IFI30: variants seen among roughly 807,000 people sequenced by gnomAD.
IFI30 encodes gamma-interferon-inducible lysosomal thiol reductase.
In IFI30, 26 loss-of-function variants were observed where a neutral mutation model predicts 30.1. That is an observed-to-expected ratio of 0.87 (90% confidence interval 0.63 to 1.20). IFI30 has a LOEUF of 1.20. Ranked by LOEUF, IFI30 falls within the 50% of genes most tolerant of loss-of-function variation. The probability of loss-of-function intolerance (pLI) is 0.00; values close to 1 mark genes in which losing one functional copy is unlikely to be tolerated. For missense variants in IFI30, 296 were observed against 312.5 expected, an observed-to-expected ratio of 0.95 and a Z score of 0.40; for synonymous variants, 149 against 134.5, an observed-to-expected ratio of 1.11 and a Z score of -0.75.
chr19:18,176,677 T>C (rs144149160), intron 4 of IFI30, among the ~76,000 whole-genome samples: 216 of 152,268 alleles, frequency 1.4e-3, no homozygotes, highest in African/African-American at 4.8e-3. Flanking sequence ...AAGTGACTCA[T>C]TGGCTCCAAT....
intron 4 of IFI30, 122 bp downstream of exon 4, chr19:18,175,819 C>A (rs1967263608): frequency 1.6e-6 from 1 of 634,414 alleles, no homozygotes. Context: ...CCCAGGAAAA[C>A]AACTACCCTT....
chr19:18,173,921 C>A lies in IFI30; in HGVS notation c.80C>A (p.Ser27Tyr), dbSNP rs1284842043. The A allele has an allele frequency of 1.9e-6, 3 of 1,551,560 alleles. No homozygotes were observed. Among genetic ancestry groups the A allele is most frequent in the Non-Finnish European group, 1.7e-6 (2 of 1,147,358 alleles). ...GTCCCCACGGCGGCGGTGCAGGCGT[C>A]CCCTCTGCAAGCGTTAGACTTCTTT... ...LDVPTAAVQA[S>Y]PLQALDFFGN... Residue 27 changes from serine to tyrosine, a missense_variant, in exon 1 of 7, where the codon TCC becomes TAC. Physicochemically the swap from Ser to Tyr is moderately radical, Grantham distance 144. Transcript: ENST00000407280.
At chr19:18,177,092 G>A (rs1428442383) in intron 4 of IFI30, 48 bp from the exon 5 acceptor site, 1 of 1,495,992 alleles carries the variant, frequency 6.7e-7, no homozygotes. Flanking sequence ...GGACCGTTGA[G>A]ATAACGGGGA....
Position 18,178,019 on chromosome 19 carries a change from T to C in IFI30, c.*108T>C. On this transcript the variant is annotated 3_prime_UTR_variant, in exon 7 of 7. Transcript: ENST00000407280. ...CCTGCTACTTACCAACTGGAAAATT[T>C]TATGCATCCCATGAAGCCCAGATAC... The C allele has an allele frequency of 2.7e-6, 3 of 1,101,778 alleles. No homozygotes were observed. In the South Asian group the frequency reaches 4.1e-5, roughly 15 times the overall value. 68.3% of individuals were successfully genotyped at this position (1,101,778 alleles called of 1,614,324 possible).
intron 1 of IFI30, 200 bp downstream of exon 1, chr19:18,174,173 C>T (rs895795574): frequency 5.4e-6 from 3 of 550,746 alleles, no homozygotes; most frequent in Non-Finnish European, 9.4e-6. Flanking sequence ...TTTCGCATCC[C>T]GCATCTGAGA....
intron 2 of IFI30, 41 bp from the exon 3 acceptor site, chr19:18,175,270 G>C (rs1288224787): frequency 6.3e-7 from 1 of 1,575,552 alleles, no homozygotes; most frequent in East Asian, 2.3e-5. Flanking sequence ...GGGAGCAGGG[G>C]ACCCAGCCTA....
rs746681575 is a variant in IFI30, at chr19:18,175,396, CCAGGG to C, written c.390+13_390+17del. The C allele has an allele frequency of 2.8e-5, 44 of 1,579,808 alleles. No individual in the cohort carries two copies. In the South Asian group the frequency reaches 5.0e-4, roughly 18 times the overall value. ...TTCAACAAGGTGGAGGTGAGCGGCC[CCAGGG>C]CCCCACACTGGGGTGGGGGAAAACT... On this transcript the variant is annotated intron_variant, in intron 3 of 6. Coordinates refer to ENST00000407280, the MANE Select transcript of IFI30 (RefSeq NM_006332.5).
rs564510290 is a variant in IFI30, at chr19:18,175,486, C to T, written c.390+101C>T. 21 of 1,386,870 alleles carry T rather than the reference C, an allele frequency of 1.5e-5. No homozygotes were observed. The African/African-American group carries it at 2.9e-4, about 19-fold the overall frequency. 85.9% of individuals were successfully genotyped at this position (1,386,870 alleles called of 1,614,324 possible). On this transcript the variant is annotated intron_variant, in intron 3 of 6. Coordinates refer to ENST00000407280, the MANE Select transcript of IFI30 (RefSeq NM_006332.5). ...GCTCTGTCTTCTGCCTCGTGTGCTCCCATTTAATCACATCTTTATTCCCTA... is the reference window on the plus strand; with the variant it reads ...GCTCTGTCTTCTGCCTCGTGTGCTCTCATTTAATCACATCTTTATTCCCTA...
chr19:18,175,171 G>T lies in IFI30; in HGVS notation c.264G>T (p.Leu88=). Residue 88 remains leucine (L), a synonymous_variant, in exon 2 of 7, where the codon CTG becomes CTT. Transcript: ENST00000407280. ...TCCGGGAGCTCTTCCCAACATGGCT[G>T]TTGGTCATGGAGATCCTCAATGTCA... The part of the protein sequence containing the change: ...FLIRELFPTW[L]LVMEILNVTL... The T allele has an allele frequency of 6.2e-7, 1 of 1,603,984 alleles. No homozygotes were observed. The highest frequency in any genetic ancestry group is 1.1e-5 in the South Asian group (1 of 89,538).
At chr19:18,176,898 G>C (rs1967275760) in intron 4 of IFI30, among the ~76,000 whole-genome samples, 1 of 152,172 alleles carries the variant, frequency 6.6e-6, no homozygotes, top group African/African-American at 2.4e-5. Context: ...CAGAGGCAGT[G>C]GGTCTGGTCT....
chr19:18,174,964 G>A, intron 1 of IFI30, 76 bp from the exon 2 acceptor site: 1 of 1,203,480 alleles, frequency 8.3e-7, no homozygotes, highest in Non-Finnish European at 1.2e-6. Flanking sequence ...CTTTCTACAA[G>A]ACTACCAAGT....
rs539760169 is a variant in IFI30 at position 18,177,933 on chromosome 19, C to T, written c.*22C>T. On this transcript the variant is annotated 3_prime_UTR_variant, in exon 7 of 7. Coordinates refer to ENST00000407280, the MANE Select transcript of IFI30 (RefSeq NM_006332.5). ...GTGATGGCCGGTGAGCTGCGGAGAG[C>T]TCATGGAAGGCGAGTGGGAACCCGG... The T allele has an allele frequency of 1.9e-5, 30 of 1,572,482 alleles. No individual in the cohort carries two copies. The East Asian group carries it at 5.6e-4, about 30-fold the overall frequency.
In IFI30 at chr19:18,177,169, G is replaced by T. The variant is rs776818865; in HGVS notation, c.513G>T (p.Ser171=). The T allele has an allele frequency of 6.3e-7, 1 of 1,578,934 alleles. No individual in the cohort carries two copies. Among genetic ancestry groups the T allele is most frequent in the Non-Finnish European group, 8.6e-7 (1 of 1,162,932 alleles). ...TGCAGCTCTACGCCCCAGGGCTGTCGCCAGACACTATCATGGAGTGTGCAA... is the reference window on the plus strand; with the variant it reads ...TGCAGCTCTACGCCCCAGGGCTGTCTCCAGACACTATCATGGAGTGTGCAA... ...LCLQLYAPGL[S]PDTIMECAMG... Residue 171 remains serine, a synonymous_variant, in exon 5 of 7, where the codon TCG becomes TCT. Coordinates refer to ENST00000407280, the MANE Select transcript of IFI30 (RefSeq NM_006332.5).
chr19:18,174,902 C>A (rs1392310060), intron 1 of IFI30, 138 bp from the exon 2 acceptor site: 2 of 637,876 alleles, frequency 3.1e-6, no homozygotes, highest in Non-Finnish European at 5.3e-6. Context: ...AGTCAAGATT[C>A]CACCTGGCAA....
At chr19:18,177,316 C>T (rs1267664787) in intron 5 of IFI30, 24 bp downstream of exon 5, 4 of 1,566,978 alleles carry the variant, frequency 2.6e-6, no homozygotes, top group Non-Finnish European at 3.5e-6. Flanking sequence ...TAGCCCTCAG[C>T]TTGACACTCA....
chr19:18,177,365 C>T lies in IFI30; in HGVS notation c.636+73C>T. 7 of 1,484,228 alleles carry T rather than the reference C, an allele frequency of 4.7e-6. No individual in the cohort carries two copies. The South Asian group carries it at 9.2e-5, about 19-fold the overall frequency. 91.9% of individuals were successfully genotyped at this position (1,484,228 alleles called of 1,614,324 possible). On this transcript the variant is annotated intron_variant, in intron 5 of 6. Transcript: ENST00000407280. ...TCAGGGATGGACAAGACAGAGGGAC[C>T]AGAGATAAAGGAACCCAGGCGGAGG...
chr19:18,177,352 A>C (rs546790290), intron 5 of IFI30, 60 bp downstream of exon 5: 7 of 1,512,102 alleles, frequency 4.6e-6, no homozygotes, highest in Middle Eastern at 1.7e-4. Flanking sequence ...AGGGATGGAC[A>C]AGACAGAGGG....
In IFI30 at chr19:18,177,252, A is replaced by G; in HGVS notation, c.596A>G (p.Gln199Arg). The G allele has an allele frequency of 6.3e-7, 1 of 1,588,064 alleles. No homozygotes were observed. The highest frequency in any genetic ancestry group is 8.6e-7 in the Non-Finnish European group (1 of 1,167,400). Residue 199 changes from glutamine to arginine, a missense_variant, in exon 5 of 7, where the codon CAG becomes CGG. Coordinates refer to ENST00000407280, the MANE Select transcript of IFI30 (RefSeq NM_006332.5). ...AACGCCCAGCGGACAGATGCTCTCC[A>G]GCCACCACACGAGTATGTGCCCTGG... ...HANAQRTDALQPPHEYVPWVT... is the reference protein window; with the variant it reads ...HANAQRTDALRPPHEYVPWVT...
rs1194456903 is a variant in IFI30, at chr19:18,177,257, C to T, written c.601C>T (p.Pro201Ser). The change falls in exon 5 of 7, where the codon CCA (proline) becomes TCA (serine). Residue 201 changes from proline (P) to serine (S), a missense_variant. By Grantham distance (74) the Pro-to-Ser change is moderately conservative (BLOSUM62 -1). Coordinates refer to ENST00000407280, the MANE Select transcript of IFI30 (RefSeq NM_006332.5). The part of the protein sequence containing the change: ...NAQRTDALQP[P>S]HEYVPWVTVN... ...CCAGCGGACAGATGCTCTCCAGCCACCACACGAGTATGTGCCCTGGGTCAC... is the reference window on the plus strand; with the variant it reads ...CCAGCGGACAGATGCTCTCCAGCCATCACACGAGTATGTGCCCTGGGTCAC... 2.5e-6 allele frequency: 4 copies of T among 1,588,068 alleles called. No individual in the cohort carries two copies. In the Admixed American group the frequency reaches 7.2e-5, roughly 28 times the overall value.
Sources: allele counts gnomAD v4.1 joint callset (sites outside exome capture counted in the v4.1 genomes callset), GRCh38; gene constraint gnomAD v4.1.1; transcripts MANE v1.5; gene names NCBI Gene and HGNC (gene_info 2026-07-23, HGNC 2026-07-21).